ARHGEF12: variants seen among roughly 807,000 people sequenced by gnomAD.
The protein encoded by ARHGEF12 is Rho guanine nucleotide exchange factor 12, also known as KMT2A/ARHGEF12 fusion protein.
Under a neutral mutation model 211.2 loss-of-function variants are expected in ARHGEF12, and 66 were observed. That is an observed-to-expected ratio of 0.31 (90% CI 0.26 to 0.38). The LOEUF (loss-of-function observed/expected upper bound fraction) is 0.38. ARHGEF12 is among the 10% of genes least tolerant of loss of function. The pLI, the probability that ARHGEF12 is intolerant of heterozygous loss-of-function variation, is 1.00. For missense variants in ARHGEF12, 1,429 were observed against 1,869.5 expected, an observed-to-expected ratio of 0.76 and a Z score of 4.34; for synonymous variants, 592 against 638.4, an observed-to-expected ratio of 0.93 and a Z score of 1.09.
rs1947367054 is a variant in ARHGEF12 at position 120,485,172 on chromosome 11, G to A, written c.*95G>A. The A allele has an allele frequency of 5.0e-5, 76 of 1,528,246 alleles. No homozygotes were observed. The South Asian group carries it at 8.4e-4, about 17-fold the overall frequency. The allele number at this position is 1,528,246 out of a possible 1,614,324, so 94.7% of individuals were successfully genotyped here. On this transcript the variant is annotated 3_prime_UTR_variant, in exon 41 of 41. Coordinates refer to ENST00000397843, the MANE Select transcript of ARHGEF12 (RefSeq NM_015313.3). ...GCTCCAGTGTGGATGCAGAGAGAGTGTGACAGAGGATCTGCCTGTGAACCA... is the reference window on the plus strand; with the variant it reads ...GCTCCAGTGTGGATGCAGAGAGAGTATGACAGAGGATCTGCCTGTGAACCA...
In ARHGEF12 at chr11:120,442,463, T is replaced by TAC. The variant is rs3074753; in HGVS notation, c.1302+279_1302+280dup. ...ACACACACACACACACACATATATATACACACACACACACACACATATTTG... is the reference window on the plus strand; with the variant it reads ...ACACACACACACACACACATATATATACACACACACACACACACACATATTTG... On this transcript the variant is annotated intron_variant, in intron 15 of 40. Coordinates refer to ENST00000397843, the MANE Select transcript of ARHGEF12 (RefSeq NM_015313.3). Among the ~76,000 whole-genome samples the TAC allele has an allele frequency of 0.013, 1,918 of 145,958 alleles. 220 individuals carry two copies. In the East Asian group the frequency reaches 0.3, roughly 23 times the overall value.
At position 120,372,041 on chromosome 11, in the gene ARHGEF12, T is replaced by C. The variant is rs138818444; in HGVS notation, c.33-34077T>C. Among the ~76,000 whole-genome samples, 671 of 152,374 alleles carry C rather than the reference T, an allele frequency of 4.4e-3. 4 individuals are homozygous for C. The highest frequency in any genetic ancestry group is 0.015 in the African/African-American group (635 of 41,598). On this transcript the variant is annotated intron_variant, in intron 1 of 40. Coordinates refer to ENST00000397843, the MANE Select transcript of ARHGEF12 (RefSeq NM_015313.3). ...TTTAGATAGCTTATGATCTAATTTG[T>C]CAGGCACTGAGCTGGTTTATAACCT...
In ARHGEF12 at chr11:120,442,108, G is replaced by C; in HGVS notation, c.1208G>C (p.Cys403Ser). 6.3e-7 allele frequency: 1 copy of C among 1,593,102 alleles called. No homozygotes were observed. The highest frequency in any genetic ancestry group is 8.5e-7 in the Non-Finnish European group (1 of 1,172,250). Residue 403 changes from cysteine (C) to serine (S), a missense_variant, in exon 15 of 41, where the codon TGT becomes TCT. By Grantham distance (112) the Cys-to-Ser change is moderately radical. This residue lies in a region of ARHGEF12 where 373 missense variants were observed against 467.5 expected (regional missense o/e 0.80). Coordinates refer to ENST00000397843, the MANE Select transcript of ARHGEF12 (RefSeq NM_015313.3). ...VSQFDPATLL[C>S]YLYSDLYKHT... The stretch of plus-strand genomic sequence containing the variant: ...TCATTCCTTTCTCCACTACAGCTCT[G>C]TTATCTCTATTCAGACCTGTATAAA...
intron 1 of ARHGEF12, among the ~76,000 whole-genome samples, chr11:120,351,439 ATATATATATATATATATT>A (rs1565420733): frequency 2.4e-4 from 1 of 4,124 alleles, no homozygotes; most frequent in Non-Finnish European, 3.5e-4. Context: ...ATATATATAT[ATATATATATATATATATT>A]TTTTTTTTTT....
At chr11:120,421,696 A>G (rs1945197625) in intron 5 of ARHGEF12, 107 bp from the exon 6 acceptor site, 1 of 1,043,128 alleles carries the variant, frequency 9.6e-7, no homozygotes, top group Admixed American at 2.0e-5. Flanking sequence ...TCGGCCTCCC[A>G]AAGGACAGCC....
Position 120,480,352 on chromosome 11 carries a change from G to A in ARHGEF12, c.4159G>A (p.Ala1387Thr), listed in dbSNP as rs751330175. 21 of 1,614,100 alleles carry A rather than the reference G, an allele frequency of 1.3e-5. No homozygotes were observed. In the Admixed American group the frequency reaches 3.5e-4, roughly 27 times the overall value. Residue 1387 changes from alanine to threonine, a missense_variant, in exon 38 of 41, where the codon GCA (alanine) becomes ACA (threonine). Ala to Thr is a moderately conservative substitution (Grantham distance 58, BLOSUM62 0). Around this residue, in one of 7 missense-constraint regions of ARHGEF12, gnomAD observed 467 missense variants for 468.4 expected, o/e 1.00. Transcript: ENST00000397843. ...SGEHFFDAREAHSDENPSEGD... is the reference protein window; with the variant it reads ...SGEHFFDARETHSDENPSEGD... Reference sequence around the variant, plus strand: ...AGAGCACTTTTTTGATGCCCGTGAAGCACATAGTGATGAGAATCCATCAGA... The same window carrying A: ...AGAGCACTTTTTTGATGCCCGTGAAACACATAGTGATGAGAATCCATCAGA...
chr11:120,478,543 C>A (rs2135994992), intron 37 of ARHGEF12, among the ~76,000 whole-genome samples, 154 bp downstream of exon 37: 1 of 152,324 alleles, frequency 6.6e-6, no homozygotes, highest in African/African-American at 2.4e-5. Context: ...CACAGGCACA[C>A]ACACACATGC....
At chr11:120,351,488 A>C (rs1378794372) in intron 1 of ARHGEF12, among the ~76,000 whole-genome samples, 1 of 99,048 alleles carries the variant, frequency 1.0e-5, no homozygotes, top group African/African-American at 4.1e-5. Context: ...TTTTGAGACA[A>C]AGTCTCGCTC....
chr11:120,456,553 A>G (rs1946367872), intron 22 of ARHGEF12, among the ~76,000 whole-genome samples: 1 of 152,240 alleles, frequency 6.6e-6, no homozygotes, highest in Admixed American at 6.5e-5. Context: ...GACCACTGTA[A>G]TAACTCACAT....
At chr11:120,441,998 T>C in intron 14 of ARHGEF12, 106 bp from the exon 15 acceptor site, 1 of 874,208 alleles carries the variant, frequency 1.1e-6, no homozygotes, top group South Asian at 1.7e-5. Flanking sequence ...ACTACATTGT[T>C]TATGGTGACC....
intron 1 of ARHGEF12, among the ~76,000 whole-genome samples, chr11:120,338,608 T>G (rs774988403): frequency 6.6e-6 from 1 of 152,240 alleles, no homozygotes; most frequent in African/African-American, 2.4e-5. Flanking sequence ...TTATCTTACT[T>G]TCTTCTGGTT....
chr11:120,447,693 G>A (rs568844029), intron 18 of ARHGEF12, among the ~76,000 whole-genome samples, 181 bp from the exon 19 acceptor site: 30 of 152,264 alleles, frequency 2.0e-4, no homozygotes, highest in African/African-American at 6.7e-4. Context: ...TGGCACTCCT[G>A]TAATCCCAGC....
intron 27 of ARHGEF12, chr11:120,463,261 C>A (rs1946589792): frequency 6.6e-6 from 1 of 152,294 alleles, no homozygotes; most frequent in African/African-American, 2.4e-5. Flanking sequence ...CGCAGTGGCT[C>A]ATGCCTATAA....
intron 20 of ARHGEF12, 133 bp downstream of exon 20, chr11:120,448,481 T>A (rs1010557869): frequency 6.1e-6 from 4 of 660,352 alleles, no homozygotes; most frequent in African/African-American, 5.5e-5. Context: ...TATAAGATAC[T>A]GTCTCTGTTC....
intron 4 of ARHGEF12, 57 bp from the exon 5 acceptor site, chr11:120,420,696 T>C (rs1336821394): frequency 7.1e-7 from 1 of 1,411,450 alleles, no homozygotes; most frequent in Non-Finnish European, 9.9e-7. Flanking sequence ...ATAATTATTG[T>C]CTTTTCCTTT....
At chr11:120,416,256 AT>A (rs761736835) in intron 4 of ARHGEF12, among the ~76,000 whole-genome samples, 259 of 152,214 alleles carry the variant, frequency 1.7e-3, no homozygotes, top group Non-Finnish European at 2.9e-3. Flanking sequence ...AATTTCATTA[AT>A]TCATAAGCAA....
At chr11:120,466,510 A>G (rs1432077525) in intron 28 of ARHGEF12, among the ~76,000 whole-genome samples, 3 of 152,230 alleles carry the variant, frequency 2.0e-5, no homozygotes, top group African/African-American at 7.2e-5. Flanking sequence ...TGTGGTGGCA[A>G]CCTAATCATA....
chr11:120,445,172 C>T lies in ARHGEF12; in HGVS notation c.1303-250C>T, dbSNP rs190440876. 1.9e-4 allele frequency among the ~76,000 whole-genome samples: 29 copies of T among 151,852 alleles called. No homozygotes were observed. The East Asian group carries it at 5.7e-3, about 30-fold the overall frequency. On this transcript the variant is annotated intron_variant, in intron 15 of 40. Coordinates refer to ENST00000397843, the MANE Select transcript of ARHGEF12 (RefSeq NM_015313.3). Reference sequence around the variant, plus strand: ...ATATTCATTAAGTGTGTCACAGAAGCATTCAGTCATCTAGCTAAACGACTG... The same window carrying T: ...ATATTCATTAAGTGTGTCACAGAAGTATTCAGTCATCTAGCTAAACGACTG...
chr11:120,406,785 C>G (rs1944718067), intron 2 of ARHGEF12, among the ~76,000 whole-genome samples: 1 of 152,248 alleles, frequency 6.6e-6, no homozygotes, highest in African/African-American at 2.4e-5. Flanking sequence ...GTCTGGATCT[C>G]CTGACCTCGT....
Sources: allele counts gnomAD v4.1 joint callset (sites outside exome capture counted in the v4.1 genomes callset), GRCh38; gene constraint gnomAD v4.1.1; regional missense constraint gnomAD v4.1.1; transcripts MANE v1.5; gene names NCBI Gene and HGNC (gene_info 2026-07-23, HGNC 2026-07-21).